RSL1D1: variants seen among roughly 807,000 people sequenced by gnomAD.
RSL1D1 encodes the protein ribosomal L1 domain-containing protein 1.
A neutral mutation model predicts 44.6 loss-of-function variants in RSL1D1; 34 were observed. The observed-to-expected ratio is 0.76, with a 90% CI of 0.58 to 1.02. RSL1D1 has a LOEUF of 1.02. RSL1D1 is among the 50% of genes least tolerant of loss of function. The pLI is 0.00. For synonymous variants in RSL1D1, 271 were observed against 207.4 expected (o/e 1.31, Z -2.63); for missense variants, 767 against 568.1 (o/e 1.35, Z -3.56).
intron 2 of RSL1D1, among the ~76,000 whole-genome samples, chr16:11,848,800 CTTTT>C (rs35932064): frequency 1.4e-5 from 2 of 143,018 alleles, no homozygotes; most frequent in African/African-American, 5.1e-5. Flanking sequence ...GCCAACATAA[CTTTT>C]TTTTTTTTTT....
At chr16:11,846,437 G>C in intron 5 of RSL1D1, 64 bp downstream of exon 5, 1 of 865,834 alleles carries the variant, frequency 1.2e-6, no homozygotes, top group Admixed American at 2.4e-5. Flanking sequence ...AAACGAATAA[G>C]TATATATAAA....
chr16:11,846,448 A>G, intron 5 of RSL1D1, 53 bp downstream of exon 5: 1 of 973,216 alleles, frequency 1.0e-6, no homozygotes, highest in Non-Finnish European at 1.6e-6. Flanking sequence ...TATATATAAA[A>G]TCATTGTCAA....
In RSL1D1 at chr16:11,843,315, C is replaced by T. The variant is rs530803015; in HGVS notation, c.636-1315G>A. On this transcript the variant is annotated intron_variant, in intron 5 of 8. Transcript: ENST00000571133. ...CAAACACCTGCCCTCAACTGATCCA[C>T]CTGCCACGGTCTCCCAAAGTGCTGG... 3.3e-5 allele frequency among the ~76,000 whole-genome samples: 5 copies of T among 151,954 alleles called. No individual in the cohort carries two copies. The South Asian group carries it at 1.0e-3, about 32-fold the overall frequency.
In RSL1D1 at chr16:11,842,900, C is replaced by T. The variant is rs555233676; in HGVS notation, c.636-900G>A. ...CCTCCCTAGTAGCTGAGATTACAGG[C>T]GCATGCCACCACGCCCAGCTAATTT... On this transcript the variant is annotated intron_variant, in intron 5 of 8. Coordinates refer to ENST00000571133, the MANE Select transcript of RSL1D1 (RefSeq NM_015659.3). 4.1e-5 allele frequency among the ~76,000 whole-genome samples: 6 copies of T among 147,442 alleles called. No homozygotes were observed. The East Asian group carries it at 7.9e-4, about 19-fold the overall frequency.
At chr16:11,842,236 A>G (rs1356380901) in intron 5 of RSL1D1, among the ~76,000 whole-genome samples, 2 of 152,092 alleles carry the variant, frequency 1.3e-5, no homozygotes, top group Non-Finnish European at 2.9e-5. Flanking sequence ...CTGAGGCAGA[A>G]AAATCACCTG....
chr16:11,851,239 G>A (rs2053835300), intron 1 of RSL1D1, 169 bp downstream of exon 1: 3 of 679,084 alleles, frequency 4.4e-6, no homozygotes, highest in Non-Finnish European at 8.0e-6. Flanking sequence ...GAAAGCAGGC[G>A]CCCACCCACG....
rs190562523 is a variant in RSL1D1, at chr16:11,843,596, T to A, written c.636-1596A>T. ...GAATAAATAGTTCTGTGGCTGGGCG[T>A]GGTGGCTCACGCCTGTAATCCCAGC... On this transcript the variant is annotated intron_variant, in intron 5 of 8. Coordinates refer to ENST00000571133, the MANE Select transcript of RSL1D1 (RefSeq NM_015659.3). 3.4e-3 allele frequency among the ~76,000 whole-genome samples: 501 copies of A among 149,396 alleles called. 5 individuals carry two copies. Among genetic ancestry groups the A allele is most frequent in the African/African-American group, 0.012 (472 of 40,958 alleles).
rs1340277969 is a variant in RSL1D1 at position 11,834,270 on chromosome 16, T to C, written c.*3517A>G. Reference sequence around the variant, plus strand: ...AGCGATACATAATCAGTACAAACCATATACATACCACCATTTTTCAGTACA... The same window carrying C: ...AGCGATACATAATCAGTACAAACCACATACATACCACCATTTTTCAGTACA... On this transcript the variant is annotated 3_prime_UTR_variant, in exon 9 of 9. Transcript: ENST00000571133. 1.3e-5 allele frequency: 2 copies of C among 152,332 alleles called. No homozygotes were observed. Among genetic ancestry groups the C allele is most frequent in the Non-Finnish European group, 1.5e-5 (1 of 68,038 alleles). 9.4% of individuals were successfully genotyped at this position (152,332 alleles called of 1,614,324 possible). A position where few individuals can be genotyped will look rare whatever the true frequency, so the allele number is the denominator to read the frequency against.
intron 1 of RSL1D1, chr16:11,851,104 G>A (rs2053834122): frequency 2.2e-6 from 1 of 446,146 alleles, no homozygotes. Context: ...TAACAGACCT[G>A]CAAAACTAAG....
chr16:11,848,885 C>A (rs991375574), intron 2 of RSL1D1, among the ~76,000 whole-genome samples: 2 of 150,546 alleles, frequency 1.3e-5, no homozygotes, highest in Non-Finnish European at 2.9e-5. Context: ...TCAAATGATT[C>A]TTGCACTTCA....
At position 11,837,586 on chromosome 16, in the gene RSL1D1, G is replaced by A; in HGVS notation, c.*201C>T. 2 of 524,878 alleles carry A rather than the reference G, an allele frequency of 3.8e-6. No homozygotes were observed. The highest frequency in any genetic ancestry group is 6.8e-6 in the Non-Finnish European group (2 of 295,568). The allele number at this position is 524,878 out of a possible 1,614,324, so 32.5% of individuals were successfully genotyped here. On this transcript the variant is annotated 3_prime_UTR_variant, in exon 9 of 9. Transcript: ENST00000571133. ...GGATGGTCTCGATCTCGTTGACCTTGTGATCCGCCTGCCTCGGCCTCCCAA... is the reference window on the plus strand; with the variant it reads ...GGATGGTCTCGATCTCGTTGACCTTATGATCCGCCTGCCTCGGCCTCCCAA...
chr16:11,847,057 A>G (rs1476873765), intron 3 of RSL1D1, among the ~76,000 whole-genome samples: 2 of 152,176 alleles, frequency 1.3e-5, no homozygotes, highest in Non-Finnish European at 2.9e-5. Context: ...AAAGCAACTT[A>G]GATCTAGGTG....
chr16:11,838,328 A>C (rs2053736817), intron 8 of RSL1D1, among the ~76,000 whole-genome samples: 1 of 151,602 alleles, frequency 6.6e-6, no homozygotes, highest in Non-Finnish European at 1.5e-5. Flanking sequence ...CGCCCGGCTC[A>C]TTTTTTGTAT....
intron 5 of RSL1D1, 86 bp from the exon 6 acceptor site, chr16:11,842,086 TA>T (rs2053767696): frequency 3.2e-6 from 3 of 943,540 alleles, no homozygotes; most frequent in Non-Finnish European, 4.7e-6. Flanking sequence ...TATAAATACA[TA>T]ATCCTCAAGT....
intron 2 of RSL1D1, among the ~76,000 whole-genome samples, chr16:11,850,017 G>C (rs1394153777): frequency 6.6e-6 from 1 of 152,126 alleles, no homozygotes; most frequent in African/African-American, 2.4e-5. Flanking sequence ...TGGAGAGACA[G>C]GGTTTTACCA....
In RSL1D1 at chr16:11,851,398, AACCACTC is replaced by A; in HGVS notation, c.105+3_105+9del. 6.2e-7 allele frequency: 1 copy of A among 1,613,446 alleles called. No homozygotes were observed. Among genetic ancestry groups the A allele is most frequent in the Non-Finnish European group, 8.5e-7 (1 of 1,179,356 alleles). On this transcript the variant is annotated splice_donor_5th_base_variant and intron_variant, in intron 1 of 8. Transcript: ENST00000571133. ...CTGCTTCCAAGCCACCCTCCCCAGG[AACCACTC>A]ACCTGTTCTTTATCCAGCTGCTTCC...
intron 5 of RSL1D1, among the ~76,000 whole-genome samples, chr16:11,845,888 ATGTT>A (rs1409924402): frequency 3.3e-5 from 5 of 151,582 alleles, no homozygotes; most frequent in African/African-American, 1.2e-4. Context: ...CACCTGACTA[ATGTT>A]CTTGATTTTT....
rs1193096598 is a variant in RSL1D1 at position 11,846,621 on chromosome 16, G to T, written c.534-19C>A. 6.2e-7 allele frequency: 1 copy of T among 1,600,986 alleles called. No individual in the cohort carries two copies. The highest frequency in any genetic ancestry group is 2.2e-5 in the East Asian group (1 of 44,818). ...TGGAACTCTACAAAATAAACACACA[G>T]GCATTCAGAACACAATGCATACACA... On this transcript the variant is annotated intron_variant, in intron 4 of 8. Transcript: ENST00000571133.
intron 8 of RSL1D1, among the ~76,000 whole-genome samples, chr16:11,839,136 C>T (rs1277644877): frequency 6.6e-6 from 1 of 151,730 alleles, no homozygotes; most frequent in African/African-American, 2.4e-5. Flanking sequence ...GAGGACAAGG[C>T]GGGCGGATCA....
Sources: gnomAD v4.1 joint callset for allele counts (sites outside exome capture counted in the v4.1 genomes callset) on GRCh38, gnomAD v4.1.1 for gene constraint, MANE v1.5 for transcripts, NCBI Gene and HGNC (gene_info 2026-07-23, HGNC 2026-07-21) for gene names.